SLC7A2: variants seen among roughly 807,000 people sequenced by gnomAD.
SLC7A2 encodes solute carrier family 7 member 2, also known as cationic amino acid transporter 2.
In SLC7A2, 48 loss-of-function variants were observed where a neutral mutation model predicts 58.9. The ratio of observed to expected loss-of-function variants is 0.82; its 90% confidence interval spans 0.65 to 1.04. The LOEUF is 1.04. Among genes scored for constraint, SLC7A2 ranks in the 50% least tolerant of loss-of-function variants. SLC7A2 has a pLI of 0.00. For missense variants in SLC7A2, 1,029 were observed against 818.8 expected (o/e 1.26, Z -3.13); for synonymous variants, 363 against 314.5 (o/e 1.15, Z -1.63).
intron 11 of SLC7A2, among the ~76,000 whole-genome samples, chr8:17,562,312 TCTC>T (rs1467596938): frequency 6.7e-6 from 1 of 149,542 alleles, no homozygotes; most frequent in Admixed American, 6.7e-5. Context: ...TTCAAGCACT[TCTC>T]CTGCCTCGGA....
intron 8 of SLC7A2, among the ~76,000 whole-genome samples, chr8:17,555,848 A>G (rs1802673832): frequency 6.6e-6 from 1 of 152,174 alleles, no homozygotes; most frequent in South Asian, 2.1e-4. Flanking sequence ...GATCCAGACA[A>G]TGGCCTTAAA....
chr8:17,534,234 G>T (rs1175082788), intron 2 of SLC7A2, among the ~76,000 whole-genome samples: 1 of 152,140 alleles, frequency 6.6e-6, no homozygotes, highest in African/African-American at 2.4e-5. Flanking sequence ...GATTTCCTTG[G>T]CATCCTTGAG....
intron 9 of SLC7A2, among the ~76,000 whole-genome samples, chr8:17,558,694 A>G (rs1273935559): frequency 6.6e-6 from 1 of 152,156 alleles, no homozygotes; most frequent in Non-Finnish European, 1.5e-5. Flanking sequence ...AGTTGTAAAA[A>G]TTTTTGTGCT....
chr8:17,516,280 C>A (rs933987946), intron 2 of SLC7A2, among the ~76,000 whole-genome samples: 1 of 151,908 alleles, frequency 6.6e-6, no homozygotes. Context: ...GGCTGGAGTG[C>A]AGTGGCAAGA....
chr8:17,516,708 C>T (rs1800817280), intron 2 of SLC7A2, among the ~76,000 whole-genome samples: 1 of 152,188 alleles, frequency 6.6e-6, no homozygotes, highest in African/African-American at 2.4e-5. Context: ...TAAGTGATGA[C>T]ATGGTCTCCC....
chr8:17,562,138 A>G, intron 11 of SLC7A2, 28 bp downstream of exon 11: 1 of 1,545,078 alleles, frequency 6.5e-7, no homozygotes, highest in Admixed American at 1.8e-5. Context: ...TAGAGACCCA[A>G]AATACTGTAT....
intron 2 of SLC7A2, among the ~76,000 whole-genome samples, chr8:17,510,076 C>T (rs1012936656): frequency 2.6e-5 from 4 of 151,942 alleles, no homozygotes; most frequent in Non-Finnish European, 5.9e-5. Flanking sequence ...GAAAATTAGC[C>T]GGGCGTGATA....
In SLC7A2 at chr8:17,569,876, C is replaced by T. The variant is rs1803433684; in HGVS notation, c.*4730C>T. 1 of 152,114 alleles carries T rather than the reference C, an allele frequency of 6.6e-6. No homozygotes were observed. Among genetic ancestry groups the T allele is most frequent in the Non-Finnish European group, 1.5e-5 (1 of 68,050 alleles). The allele number at this position is 152,114 out of a possible 1,614,324, so 9.4% of individuals were successfully genotyped here. A position where few individuals can be genotyped will look rare whatever the true frequency, so the allele number is the denominator to read the frequency against. ...TCATAATCAGGGCCCCAGGCTGGTT[C>T]CAGGATCAGGCAGCCTATAGAGTGT... On this transcript the variant is annotated 3_prime_UTR_variant, in exon 13 of 13. Coordinates refer to ENST00000494857, the MANE Select transcript of SLC7A2 (RefSeq NM_001370338.1).
At chr8:17,511,684 G>A (rs1563437706) in intron 2 of SLC7A2, among the ~76,000 whole-genome samples, 1 of 152,178 alleles carries the variant, frequency 6.6e-6, no homozygotes. Flanking sequence ...AGAAATAACT[G>A]AAGGTGACGT....
At chr8:17,506,033 C>G (rs138970659) in intron 2 of SLC7A2, among the ~76,000 whole-genome samples, 24 of 152,302 alleles carry the variant, frequency 1.6e-4, no homozygotes, top group African/African-American at 5.8e-4. Flanking sequence ...GCAACACTTG[C>G]TTTACTTGTA....
intron 3 of SLC7A2, 91 bp downstream of exon 3, chr8:17,543,806 A>T (rs972553192): frequency 8.7e-6 from 10 of 1,143,798 alleles, no homozygotes; most frequent in African/African-American, 1.5e-5. Context: ...GGTGTTGGGT[A>T]CATCACTTGA....
intron 2 of SLC7A2, among the ~76,000 whole-genome samples, chr8:17,506,281 A>G (rs1246067584): frequency 1.3e-5 from 2 of 152,218 alleles, no homozygotes; most frequent in East Asian, 3.8e-4. Context: ...CTTGAAACTT[A>G]GCAGAATTTC....
chr8:17,528,584 G>A (rs541287314), intron 2 of SLC7A2, among the ~76,000 whole-genome samples: 7 of 152,086 alleles, frequency 4.6e-5, no homozygotes, highest in African/African-American at 1.4e-4. Flanking sequence ...TTGCTCTGTC[G>A]TTCAGGCTGG....
At chr8:17,552,177 T>C (rs1402634304) in intron 7 of SLC7A2, among the ~76,000 whole-genome samples, 191 bp downstream of exon 7, 2 of 152,218 alleles carry the variant, frequency 1.3e-5, no homozygotes, top group Admixed American at 6.5e-5. Context: ...CTGCTGTTAG[T>C]TGAGTCAGTT....
Position 17,560,977 on chromosome 8 carries a change from C to G in SLC7A2, c.1504+444C>G, listed in dbSNP as rs118190990. Among the ~76,000 whole-genome samples, 1,223 of 152,238 alleles carry G rather than the reference C, an allele frequency of 8.0e-3. 4 individuals are homozygous for G. The highest frequency in any genetic ancestry group is 0.051 in the Middle Eastern group (15 of 294). ...GAACATTGCGTGTGTGTCAGGCACT[C>G]CACTGGGCACCTGGGATGCCAAGAG... On this transcript the variant is annotated intron_variant, in intron 10 of 12. Transcript: ENST00000494857.
chr8:17,541,186 G>A (rs957222004), intron 2 of SLC7A2, among the ~76,000 whole-genome samples: 1 of 152,156 alleles, frequency 6.6e-6, no homozygotes, highest in Non-Finnish European at 1.5e-5. Context: ...TCAGCATTTA[G>A]TAACTACCTT....
chr8:17,520,310 A>G (rs1169885268), intron 2 of SLC7A2, among the ~76,000 whole-genome samples: 1 of 152,122 alleles, frequency 6.6e-6, no homozygotes, highest in African/African-American at 2.4e-5. Flanking sequence ...ATGTGTATAT[A>G]TACATAAAAT....
chr8:17,552,451 T>C (rs1444682535), intron 7 of SLC7A2, among the ~76,000 whole-genome samples: 5 of 152,252 alleles, frequency 3.3e-5, no homozygotes, highest in Non-Finnish European at 4.4e-5. Flanking sequence ...TGGACACTTA[T>C]GCTCTGTCTT....
chr8:17,568,711 C>T lies in SLC7A2; in HGVS notation c.*3565C>T, dbSNP rs1803378466. On this transcript the variant is annotated 3_prime_UTR_variant, in exon 13 of 13. Transcript: ENST00000494857. The stretch of plus-strand genomic sequence containing the variant: ...ATGGTGGCTCGCTCACACCTATAAT[C>T]CTAGGATCTTGGGAGGTCGAGGCAA... 1 of 151,964 alleles carries T rather than the reference C, an allele frequency of 6.6e-6. No homozygotes were observed. The highest frequency in any genetic ancestry group is 2.1e-4 in the South Asian group (1 of 4,808). The allele number at this position is 151,964 out of a possible 1,614,324, so 9.4% of individuals were successfully genotyped here.
Sources: allele counts gnomAD v4.1 joint callset (sites outside exome capture counted in the v4.1 genomes callset), GRCh38; gene constraint gnomAD v4.1.1; transcripts MANE v1.5; gene names NCBI Gene and HGNC (gene_info 2026-07-23, HGNC 2026-07-21).